The following GOLGB1 variants were observed in gnomAD, a reference collection of about 807,000 sequenced individuals.
GOLGB1 encodes the protein golgin subfamily B member 1.
In GOLGB1, 174 loss-of-function variants were observed where a neutral mutation model predicts 336.9. That is an observed-to-expected ratio of 0.52 (90% CI 0.46 to 0.59). The LOEUF is 0.59. Ranked by LOEUF, GOLGB1 falls within the 20% of genes least tolerant of loss-of-function variation. The pLI, the probability that GOLGB1 is intolerant of heterozygous loss-of-function variation, is 0.00. For missense variants in GOLGB1, 3,331 were observed against 3,645.3 expected, an observed-to-expected ratio of 0.91 and a Z score of 2.22; for synonymous variants, 1,208 against 1,289.2, an observed-to-expected ratio of 0.94 and a Z score of 1.35.
intron 14 of GOLGB1, among the ~76,000 whole-genome samples, chr3:121,686,675 A>T (rs1010994206): frequency 2.0e-5 from 3 of 152,174 alleles, no homozygotes; most frequent in African/African-American, 7.2e-5. Flanking sequence ...ACACACACAC[A>T]CACACACAAT....
chr3:121,699,272 G>C (rs922675548), intron 12 of GOLGB1, among the ~76,000 whole-genome samples: 2 of 151,984 alleles, frequency 1.3e-5, no homozygotes, highest in African/African-American at 4.8e-5. Flanking sequence ...ACTTTTGTTA[G>C]GAAGCCACAT....
At position 121,692,599 on chromosome 3, in the gene GOLGB1, T is replaced by A. The variant is rs1406327511; in HGVS notation, c.6783-18A>T. 7.0e-7 allele frequency: 1 copy of A among 1,432,908 alleles called. No individual in the cohort carries two copies. Among genetic ancestry groups the A allele is most frequent in the African/African-American group, 1.4e-5 (1 of 70,046 alleles). The allele number at this position is 1,432,908 out of a possible 1,614,324, so 88.8% of individuals were successfully genotyped here. ...GTTCAAGCCTGAAACAGAGAGAAGG[T>A]CATTAGTTACAGATTTCAAGAAAAA... On this transcript the variant is annotated intron_variant, in intron 13 of 21. Transcript: ENST00000614479.
chr3:121,675,203 A>G (rs1940194805), intron 17 of GOLGB1, among the ~76,000 whole-genome samples: 1 of 152,216 alleles, frequency 6.6e-6, no homozygotes, highest in Non-Finnish European at 1.5e-5. Flanking sequence ...ACAGTGACCT[A>G]TGCAGTGTTT....
At position 121,690,675 on chromosome 3, in the gene GOLGB1, T is replaced by C; in HGVS notation, c.8689A>G (p.Arg2897Gly). 6.7e-7 allele frequency: 1 copy of C among 1,482,342 alleles called. No homozygotes were observed. The allele number at this position is 1,482,342 out of a possible 1,614,324, so 91.8% of individuals were successfully genotyped here. Residue 2897 changes from arginine to glycine, a missense_variant, in exon 14 of 22, where the codon AGA (arginine) becomes GGA (glycine). Transcript: ENST00000614479. ...AMSSLQNDRD[R>G]LLKELKNLQQ... is the part of the protein sequence containing the mutation. ...AGAAAGAACTAGCTACTCACTAGTC[T>C]GTCTCTGTCATTTTGGAGTGAAGAC...
At chr3:121,677,139 G>A (rs1164165330) in intron 16 of GOLGB1, 109 bp from the exon 17 acceptor site, 5 of 1,359,906 alleles carry the variant, frequency 3.7e-6, no homozygotes, top group Non-Finnish European at 5.1e-6. Flanking sequence ...TGGCTTATGG[G>A]CACTTAATAG....
At chr3:121,728,938 A>T (rs528171300) in intron 4 of GOLGB1, among the ~76,000 whole-genome samples, 32 of 152,268 alleles carry the variant, frequency 2.1e-4, no homozygotes, top group Admixed American at 2.1e-3. Flanking sequence ...TCTTCCTGTA[A>T]GCCTTTTTTA....
chr3:121,674,112 C>T (rs1310893563), intron 17 of GOLGB1, among the ~76,000 whole-genome samples: 1 of 152,220 alleles, frequency 6.6e-6, no homozygotes, highest in Non-Finnish European at 1.5e-5. Flanking sequence ...TCTCCTGCAA[C>T]TTTACTGAAT....
At chr3:121,675,362 T>C (rs1419509011) in intron 17 of GOLGB1, among the ~76,000 whole-genome samples, 2 of 152,236 alleles carry the variant, frequency 1.3e-5, no homozygotes, top group Non-Finnish European at 2.9e-5. Context: ...ATACGTGTTT[T>C]TACCTCATTT....
chr3:121,737,096 G>C (rs1340201804), intron 1 of GOLGB1, among the ~76,000 whole-genome samples: 2 of 152,130 alleles, frequency 1.3e-5, no homozygotes, highest in Non-Finnish European at 1.5e-5. Context: ...AGGATGCTTT[G>C]TGTATACAAT....
intron 14 of GOLGB1, among the ~76,000 whole-genome samples, chr3:121,688,156 C>T (rs543662339): frequency 1.6e-4 from 25 of 152,096 alleles, no homozygotes; most frequent in Admixed American, 1.0e-3. Flanking sequence ...TTAGAATTTT[C>T]GCTCTCCCTC....
chr3:121,688,807 G>A (rs1340636350), intron 14 of GOLGB1, among the ~76,000 whole-genome samples: 2 of 151,980 alleles, frequency 1.3e-5, no homozygotes, highest in African/African-American at 4.8e-5. Context: ...CGCCCCGTCT[G>A]GGATGTGAGG....
chr3:121,747,503 C>A (rs955057978), intron 1 of GOLGB1, among the ~76,000 whole-genome samples: 1 of 149,752 alleles, frequency 6.7e-6, no homozygotes, highest in Admixed American at 6.7e-5. Context: ...TCTAAATGTC[C>A]ATCAATGGGG....
intron 1 of GOLGB1, chr3:121,748,635 C>A (rs1435601573): frequency 6.1e-6 from 1 of 164,372 alleles, no homozygotes; most frequent in Admixed American, 6.5e-5. Context: ...CCATTCTGAC[C>A]ATCTAAATCT....
chr3:121,691,562 T>C lies in GOLGB1; in HGVS notation c.7802A>G (p.Glu2601Gly), dbSNP rs1486398468. The change falls in exon 14 of 22, where the codon GAG becomes GGG. Residue 2601 changes from glutamate to glycine, a missense_variant. By Grantham distance (98) the Glu-to-Gly change is moderately conservative. Coordinates refer to ENST00000614479, the MANE Select transcript of GOLGB1 (RefSeq NM_001366282.2). ...AATCTCTTTAGATAAATCTTGTTTCTCTTCTTGTAGGGCATTAAAGGACCT... is the reference window on the plus strand; with the variant it reads ...AATCTCTTTAGATAAATCTTGTTTCCCTTCTTGTAGGGCATTAAAGGACCT... ...LRRSFNALQE[E>G]KQDLSKEIES... 1 of 1,613,314 alleles carries C rather than the reference T, an allele frequency of 6.2e-7. No homozygotes were observed. Among genetic ancestry groups the C allele is most frequent in the Non-Finnish European group, 8.5e-7 (1 of 1,179,838 alleles).
chr3:121,670,463 C>T (rs1456963700), intron 17 of GOLGB1, among the ~76,000 whole-genome samples: 2 of 152,326 alleles, frequency 1.3e-5, no homozygotes, highest in Non-Finnish European at 1.5e-5. Context: ...ATAATCCATA[C>T]ATACTTGTAA....
In GOLGB1 at chr3:121,691,061, GCAT is replaced by G. The variant is rs1450114338; in HGVS notation, c.8300_8302del (p.Asp2767del). The stretch of plus-strand genomic sequence containing the variant: ...CAACTGTGCCAATTCCTTCAGACTG[GCAT>G]CATATTTCCTTTTCAGTTCATCAAG... On this transcript the variant is annotated inframe_deletion, in exon 14 of 22. Coordinates refer to ENST00000614479, the MANE Select transcript of GOLGB1 (RefSeq NM_001366282.2). The G allele has an allele frequency of 3.1e-6, 5 of 1,613,758 alleles. No individual in the cohort carries two copies. The highest frequency in any genetic ancestry group is 4.2e-6 in the Non-Finnish European group (5 of 1,179,918).
intron 5 of GOLGB1, among the ~76,000 whole-genome samples, chr3:121,726,503 T>C (rs1393860931): frequency 9.5e-6 from 1 of 104,910 alleles, no homozygotes; most frequent in Non-Finnish European, 2.1e-5. Flanking sequence ...AAAACATAAA[T>C]CAGATTTAGA....
At chr3:121,741,918 A>C (rs1946886190) in intron 1 of GOLGB1, among the ~76,000 whole-genome samples, 1 of 152,132 alleles carries the variant, frequency 6.6e-6, no homozygotes, top group Non-Finnish European at 1.5e-5. Context: ...GAAATGTACA[A>C]AATGATCCTG....
At chr3:121,747,490 A>G (rs1947449703) in intron 1 of GOLGB1, among the ~76,000 whole-genome samples, 1 of 149,782 alleles carries the variant, frequency 6.7e-6, no homozygotes, top group African/African-American at 2.5e-5. Flanking sequence ...TAATGACTGA[A>G]AATCTAAATG....
Sources: gnomAD v4.1 joint callset for allele counts (sites outside exome capture counted in the v4.1 genomes callset) on GRCh38, gnomAD v4.1.1 for gene constraint, MANE v1.5 for transcripts, NCBI Gene and HGNC (gene_info 2026-07-23, HGNC 2026-07-21) for gene names.